Variants in PLCG2 observed in about 807,000 individuals in gnomAD.
PLCG2 encodes the protein 1-phosphatidylinositol 4,5-bisphosphate phosphodiesterase gamma-2.
PLCG2 carries 69 observed loss-of-function variants against 175.6 expected under a neutral mutation model. That is an observed-to-expected ratio of 0.39 (90% CI 0.32 to 0.48). The LOEUF (loss-of-function observed/expected upper bound fraction) is 0.48. PLCG2 is among the 20% of genes least tolerant of loss of function. The pLI is 0.91. For missense variants in PLCG2, 1,798 were observed against 1,650.9 expected, an observed-to-expected ratio of 1.09 and a Z score of -1.54; for synonymous variants, 827 against 624.0, an observed-to-expected ratio of 1.33 and a Z score of -4.85.
At chr16:81,852,122 C>T (rs1042995599) in intron 2 of PLCG2, 2 of 152,222 alleles carry the variant, frequency 1.3e-5, no homozygotes, top group Admixed American at 6.5e-5. Context: ...TGCTGGAGTT[C>T]AAAGGTACAC....
intron 2 of PLCG2, among the ~76,000 whole-genome samples, chr16:81,853,526 A>G (rs1567499344): frequency 6.6e-6 from 1 of 152,288 alleles, no homozygotes; most frequent in Non-Finnish European, 1.5e-5. Flanking sequence ...ATCATCAGGC[A>G]TTAGATTCCA....
rs184486203 is a variant in PLCG2 at position 81,928,518 on chromosome 16, C to T, written c.2515-40C>T. 20 of 1,286,416 alleles carry T rather than the reference C, an allele frequency of 1.6e-5. No homozygotes were observed. In the African/African-American group the frequency reaches 2.6e-4, roughly 17 times the overall value. The allele number at this position is 1,286,416 out of a possible 1,614,324, so 79.7% of individuals were successfully genotyped here. A position where few individuals can be genotyped will look rare whatever the true frequency, so the allele number is the denominator to read the frequency against. On this transcript the variant is annotated intron_variant, in intron 23 of 32. Transcript: ENST00000564138. ...GAAACGGGTTTTCTTTTTATTATTC[C>T]CGTTACAACTAACGTGAGTTATGTC... is the stretch of plus-strand genomic sequence containing the variant.
intron 2 of PLCG2, among the ~76,000 whole-genome samples, chr16:81,760,533 G>A (rs1422542046): frequency 6.6e-6 from 1 of 152,008 alleles, no homozygotes; most frequent in Admixed American, 6.6e-5. Context: ...CTTTGGCTAG[G>A]TGTGGCCTTA....
In PLCG2 at chr16:81,860,176, T is replaced by A. The variant is rs868324124; in HGVS notation, c.479+1013T>A. Among the ~76,000 whole-genome samples the A allele has an allele frequency of 8.8e-4, 123 of 139,094 alleles. 1 individual carries two copies. The highest frequency in any genetic ancestry group is 6.0e-3 in the East Asian group (30 of 5,008). The allele number at this position is 139,094 out of a possible 152,430, so 91.3% of individuals were successfully genotyped here. On this transcript the variant is annotated intron_variant, in intron 5 of 32. Coordinates refer to ENST00000564138, the MANE Select transcript of PLCG2 (RefSeq NM_002661.5). ...ATTATTATTATTATTATTATTATTT[T>A]TTTTTTTTTTTGTAAAGGTGAAGTC...
intron 5 of PLCG2, among the ~76,000 whole-genome samples, chr16:81,868,771 C>T (rs1333477351): frequency 1.3e-5 from 2 of 152,246 alleles, no homozygotes; most frequent in Non-Finnish European, 2.9e-5. Flanking sequence ...TTTCTGCCCA[C>T]ACTGAATCTC....
chr16:81,845,930 C>A (rs965919346), intron 2 of PLCG2, among the ~76,000 whole-genome samples: 1 of 152,198 alleles, frequency 6.6e-6, no homozygotes, highest in Non-Finnish European at 1.5e-5. Context: ...TGGCTGGTGA[C>A]CCTGGCCAAG....
chr16:81,809,159 C>A (rs997823840), intron 2 of PLCG2, among the ~76,000 whole-genome samples: 1 of 152,126 alleles, frequency 6.6e-6, no homozygotes, highest in African/African-American at 2.4e-5. Flanking sequence ...GAAACTGTTG[C>A]AGACACTCTT....
intron 5 of PLCG2, among the ~76,000 whole-genome samples, chr16:81,860,206 C>G (rs1906912032): frequency 7.3e-6 from 1 of 137,158 alleles, no homozygotes; most frequent in Non-Finnish European, 1.6e-5. Context: ...GAAGTCTTAC[C>G]CAGACATTTT....
At chr16:81,938,778 A>G (rs1219985726) in intron 28 of PLCG2, 23 bp from the exon 29 acceptor site, 1 of 1,497,428 alleles carries the variant, frequency 6.7e-7, no homozygotes, top group African/African-American at 1.4e-5. Context: ...GGGGGGTTCC[A>G]ATGCTTCCCT....
At chr16:81,876,693 C>A (rs1342155607) in intron 7 of PLCG2, among the ~76,000 whole-genome samples, 1 of 152,212 alleles carries the variant, frequency 6.6e-6, no homozygotes, top group Non-Finnish European at 1.5e-5. Context: ...AGCTGTTTCT[C>A]CTGACCTCAC....
upstream of PLCG2, among the ~76,000 whole-genome samples, chr16:81,776,083 C>CGT (rs1413572575): frequency 1.5e-3 from 124 of 81,944 alleles, 14 homozygotes; most frequent in African/African-American, 3.7e-3. Flanking sequence ...TTCTCTCTCT[C>CGT]TCTCTCTTTC....
intron 2 of PLCG2, among the ~76,000 whole-genome samples, chr16:81,771,825 C>A (rs754430403): frequency 1.3e-5 from 2 of 152,026 alleles, no homozygotes; most frequent in Non-Finnish European, 2.9e-5. Flanking sequence ...TCTCTCTTGC[C>A]CAAGCTGGAG....
At chr16:81,827,880 C>A (rs1905106931) in intron 2 of PLCG2, among the ~76,000 whole-genome samples, 1 of 151,926 alleles carries the variant, frequency 6.6e-6, no homozygotes, top group Non-Finnish European at 1.5e-5. Flanking sequence ...CACCTGAGGT[C>A]GGGAGTTCAA....
chr16:81,858,474 C>T (rs568848068), intron 4 of PLCG2, 118 bp downstream of exon 4: 24 of 746,300 alleles, frequency 3.2e-5, no homozygotes, highest in Middle Eastern at 4.7e-4. Flanking sequence ...TTTTGAGGCT[C>T]GTTGAGTGTC....
At chr16:81,850,943 G>A (rs898797433) in intron 2 of PLCG2, among the ~76,000 whole-genome samples, 1 of 152,166 alleles carries the variant, frequency 6.6e-6, no homozygotes, top group Non-Finnish European at 1.5e-5. Flanking sequence ...TCTGCAATCA[G>A]TGGGAATGGC....
At chr16:81,776,604 G>A (rs1164377868), upstream of PLCG2, among the ~76,000 whole-genome samples, 1 of 152,126 alleles carries the variant, frequency 6.6e-6, no homozygotes, top group Non-Finnish European at 1.5e-5. Flanking sequence ...ACCTATGCTG[G>A]AGTGCAGTGG....
At chr16:81,851,482 T>C (rs923083923) in intron 2 of PLCG2, among the ~76,000 whole-genome samples, 2 of 152,200 alleles carry the variant, frequency 1.3e-5, no homozygotes, top group Non-Finnish European at 1.5e-5. Context: ...GACGTGCTGT[T>C]TTTTTACTCT....
intron 2 of PLCG2, among the ~76,000 whole-genome samples, chr16:81,804,225 C>G (rs867734722): frequency 6.6e-6 from 1 of 152,212 alleles, no homozygotes; most frequent in African/African-American, 2.4e-5. Flanking sequence ...TAGTATCTGT[C>G]TTTTTGGTTA....
At chr16:81,847,909 C>A (rs967250784) in intron 2 of PLCG2, among the ~76,000 whole-genome samples, 3 of 152,126 alleles carry the variant, frequency 2.0e-5, no homozygotes, top group African/African-American at 7.2e-5. Context: ...TGGAACCGAT[C>A]CCCAACAGTC....
Sources: gnomAD v4.1 joint callset for allele counts (sites outside exome capture counted in the v4.1 genomes callset) on GRCh38, gnomAD v4.1.1 for gene constraint, MANE v1.5 for transcripts, NCBI Gene and HGNC (gene_info 2026-07-23, HGNC 2026-07-21) for gene names.